The following GLI2 variants were observed in gnomAD, a reference collection of about 807,000 sequenced individuals.
The protein encoded by GLI2 is GLI family zinc finger 2.
Under a neutral mutation model 78.9 loss-of-function variants are expected in GLI2, and 22 were observed. That is an observed-to-expected ratio of 0.28 (90% CI 0.20 to 0.40). GLI2 has a LOEUF of 0.40. Ranked by LOEUF, GLI2 falls within the 10% of genes least tolerant of loss-of-function variation. The pLI is 1.00. For synonymous variants in GLI2, 974 were observed against 963.7 expected, an observed-to-expected ratio of 1.01 and a Z score of -0.20; for missense variants, 2,097 against 2,213.2, an observed-to-expected ratio of 0.95 and a Z score of 1.05.
chr2:120,821,398 A>C (rs1417439228), intron 2 of GLI2, among the ~76,000 whole-genome samples: 4 of 152,224 alleles, frequency 2.6e-5, no homozygotes, highest in Non-Finnish European at 5.9e-5. Flanking sequence ...CTGTGAAAGA[A>C]ATAGCAGATC....
At position 120,990,147 on chromosome 2, in the gene GLI2, A is replaced by T; in HGVS notation, c.4182A>T (p.Glu1394Asp). Reference sequence around the variant, plus strand: ...TGGCTGCCATGCCGTCCAGTCAGGAAACAGCAGAGGCTGTGCCCAAGGGAG... The same window carrying T: ...TGGCTGCCATGCCGTCCAGTCAGGATACAGCAGAGGCTGTGCCCAAGGGAG... Reference protein sequence around the residue: ...HAMAAMPSSQETAEAVPKGAM... With the variant: ...HAMAAMPSSQDTAEAVPKGAM... Residue 1394 changes from glutamate (E) to aspartate (D), a missense_variant, in exon 14 of 14, where the codon GAA becomes GAT. Physicochemically the swap from Glu to Asp is conservative, Grantham distance 45 (BLOSUM62 2). Around this residue, in one of 5 missense-constraint regions of GLI2, gnomAD observed 1,290 missense variants for 1,261.7 expected, o/e 1.02. Transcript: ENST00000361492. 2 of 1,610,238 alleles carry T rather than the reference A, an allele frequency of 1.2e-6. No homozygotes were observed. Among genetic ancestry groups the T allele is most frequent in the Non-Finnish European group, 1.7e-6 (2 of 1,177,702 alleles).
chr2:120,857,342 T>TACCCACCCACCCACC (rs1687694568), intron 2 of GLI2, among the ~76,000 whole-genome samples: 1 of 53,286 alleles, frequency 1.9e-5, no homozygotes, highest in Admixed American at 1.9e-4. Context: ...CCTACCCATC[T>TACCCACCCACCCACC]GCCCACCCAC....
chr2:120,854,559 G>A (rs1036754834), intron 2 of GLI2, among the ~76,000 whole-genome samples: 1 of 152,210 alleles, frequency 6.6e-6, no homozygotes, highest in Non-Finnish European at 1.5e-5. Context: ...AGGGGCTACA[G>A]CTGCAGAAGG....
At chr2:120,738,713 T>C (rs1201518903) in intron 1 of GLI2, among the ~76,000 whole-genome samples, 2 of 152,174 alleles carry the variant, frequency 1.3e-5, no homozygotes, top group African/African-American at 2.4e-5. Flanking sequence ...AGAAAGAGCC[T>C]CCCAAGCCAC....
chr2:120,974,586 G>A (rs903636462), intron 8 of GLI2, among the ~76,000 whole-genome samples: 2 of 152,158 alleles, frequency 1.3e-5, no homozygotes, highest in African/African-American at 4.8e-5. Context: ...GGAGGGCCTC[G>A]GATCCTCCCT....
chr2:120,742,381 A>G (rs1210152125), intron 1 of GLI2, among the ~76,000 whole-genome samples: 2 of 152,190 alleles, frequency 1.3e-5, no homozygotes, highest in Admixed American at 1.3e-4. Flanking sequence ...GTGCTGGACA[A>G]TGCAGTAAGT....
chr2:120,902,144 A>T (rs1678289693), intron 2 of GLI2, among the ~76,000 whole-genome samples: 1 of 151,642 alleles, frequency 6.6e-6, no homozygotes, highest in African/African-American at 2.4e-5. Context: ...GAGAGCATTT[A>T]CACCATGGAA....
chr2:120,829,323 G>A (rs926613191), intron 2 of GLI2, among the ~76,000 whole-genome samples: 18 of 152,198 alleles, frequency 1.2e-4, no homozygotes, highest in Admixed American at 1.0e-3. Context: ...TACAGAGTGG[G>A]CGCATTGTGA....
intron 2 of GLI2, among the ~76,000 whole-genome samples, chr2:120,865,393 C>T (rs530072639): frequency 2.6e-5 from 4 of 152,292 alleles, no homozygotes; most frequent in African/African-American, 7.2e-5. Flanking sequence ...CTAGGAGGGA[C>T]GGGGTCCTTC....
At chr2:120,936,409 G>A (rs748684465) in intron 3 of GLI2, among the ~76,000 whole-genome samples, 2 of 152,168 alleles carry the variant, frequency 1.3e-5, no homozygotes, top group Non-Finnish European at 2.9e-5. Context: ...GGCCAGTGGT[G>A]TCCTATTCAG....
At chr2:120,762,664 AGG>A (rs1683249252) in intron 1 of GLI2, among the ~76,000 whole-genome samples, 1 of 151,910 alleles carries the variant, frequency 6.6e-6, no homozygotes, top group Non-Finnish European at 1.5e-5. Context: ...GAGAGCGTCG[AGG>A]GCCTGCAGCT....
intron 2 of GLI2, among the ~76,000 whole-genome samples, chr2:120,896,661 ATACACCCACCC>A (rs1353853728): frequency 0.01 from 216 of 21,320 alleles, 2 homozygotes; most frequent in African/African-American, 0.046. Context: ...ACACACACAC[ATACACCCACCC>A]CCCCACACAC....
At chr2:120,972,644 C>G (rs770304499) in intron 8 of GLI2, 1 of 518,970 alleles carries the variant, frequency 1.9e-6, no homozygotes, top group South Asian at 1.4e-5. Context: ...AAGTGCCTGA[C>G]TGGGTTCCAT....
At chr2:120,853,426 G>A (rs2104615502) in intron 2 of GLI2, among the ~76,000 whole-genome samples, 1 of 152,316 alleles carries the variant, frequency 6.6e-6, no homozygotes, top group South Asian at 2.1e-4. Context: ...GTTCTGGGGA[G>A]AAGATTCTCC....
intron 2 of GLI2, among the ~76,000 whole-genome samples, chr2:120,802,985 G>A (rs1219283569): frequency 1.3e-5 from 2 of 152,242 alleles, no homozygotes; most frequent in South Asian, 4.1e-4. Context: ...AAACCCTCTT[G>A]GTGATTCTGA....
rs1307945459 is a variant in GLI2, at chr2:120,988,860, G to A, written c.2895G>A (p.Pro965=). The part of the protein sequence containing the change: ...PVRRPDALSL[P]RVQRFHSTHN... ...GGCGGCCCGATGCCCTGTCCCTGCC[G>A]CGGGTGCAGCGCTTCCACAGCACCC... is the stretch of plus-strand genomic sequence containing the variant. The change falls in exon 14 of 14, where the codon CCG becomes CCA. Residue 965 remains proline (P), a synonymous_variant. Transcript: ENST00000361492. The A allele has an allele frequency of 2.7e-6, 4 of 1,493,342 alleles. No individual in the cohort carries two copies. The highest frequency in any genetic ancestry group is 1.4e-5 in the African/African-American group (1 of 69,216). 92.5% of individuals were successfully genotyped at this position (1,493,342 alleles called of 1,614,324 possible).
intron 2 of GLI2, among the ~76,000 whole-genome samples, chr2:120,890,231 T>A (rs1414053861): frequency 6.6e-6 from 1 of 152,178 alleles, no homozygotes; most frequent in Non-Finnish European, 1.5e-5. Flanking sequence ...ACTATGTGTT[T>A]CCATTTATGT....
intron 2 of GLI2, among the ~76,000 whole-genome samples, chr2:120,816,873 G>T (rs1685521347): frequency 6.6e-6 from 1 of 152,226 alleles, no homozygotes; most frequent in Non-Finnish European, 1.5e-5. Flanking sequence ...GTTCTTTGAT[G>T]CTGCACCAAA....
At chr2:120,812,227 G>A (rs912913771) in intron 2 of GLI2, among the ~76,000 whole-genome samples, 52 of 152,246 alleles carry the variant, frequency 3.4e-4, no homozygotes, top group African/African-American at 1.2e-3. Flanking sequence ...AGGCTGAAGA[G>A]CGGGTTCAGG....
Sources: allele counts gnomAD v4.1 joint callset (sites outside exome capture counted in the v4.1 genomes callset), GRCh38; gene constraint gnomAD v4.1.1; regional missense constraint gnomAD v4.1.1; transcripts MANE v1.5; gene names NCBI Gene and HGNC (gene_info 2026-07-23, HGNC 2026-07-21).